The following BAG4 variants were observed in gnomAD, a reference collection of about 807,000 sequenced individuals.
BAG4 encodes BAG cochaperone 4, also known as BAG family molecular chaperone regulator 4.
A neutral mutation model predicts 52.1 loss-of-function variants in BAG4; 28 were observed. The observed-to-expected ratio is 0.54, with a 90% CI of 0.40 to 0.74. The LOEUF is 0.74. Ranked by LOEUF, BAG4 falls within the 30% of genes least tolerant of loss-of-function variation. The probability of loss-of-function intolerance (pLI) is 0.00; values close to 1 mark genes in which losing one functional copy is unlikely to be tolerated. For missense variants in BAG4, 525 were observed against 572.0 expected, an observed-to-expected ratio of 0.92 and a Z score of 0.84; for synonymous variants, 208 against 217.0, an observed-to-expected ratio of 0.96 and a Z score of 0.37.
chr8:38,186,158 C>G (rs1803363585), intron 1 of BAG4, among the ~76,000 whole-genome samples: 1 of 151,998 alleles, frequency 6.6e-6, no homozygotes, highest in South Asian at 2.1e-4. Context: ...GGTGGTGGTT[C>G]CTTTCTTTCA....
At chr8:38,191,780 A>C (rs1048955216) in intron 1 of BAG4, among the ~76,000 whole-genome samples, 4 of 151,884 alleles carry the variant, frequency 2.6e-5, no homozygotes, top group African/African-American at 7.2e-5. Context: ...AAAAAAAAAA[A>C]AACCCTAAAT....
chr8:38,192,932 A>G (rs1476018390), intron 2 of BAG4, 137 bp downstream of exon 2: 4 of 573,716 alleles, frequency 7.0e-6, no homozygotes, highest in Non-Finnish European at 1.2e-5. Flanking sequence ...ATCTCATCTT[A>G]ATGTTTTTAG....
intron 1 of BAG4, among the ~76,000 whole-genome samples, chr8:38,191,967 A>G (rs1325046209): frequency 6.6e-6 from 1 of 152,194 alleles, no homozygotes; most frequent in Non-Finnish European, 1.5e-5. Flanking sequence ...TTATTGTCGT[A>G]GCTAGATTTT....
Position 38,210,609 on chromosome 8 carries a change from T to G in BAG4, c.*116T>G. On this transcript the variant is annotated 3_prime_UTR_variant, in exon 5 of 5. Coordinates refer to ENST00000287322, the MANE Select transcript of BAG4 (RefSeq NM_004874.4). Reference sequence around the variant, plus strand: ...TGACAAGAAGCAATACATTCCAGCTTTCCTTTGATTTTATACTTGAAAAAC... The same window carrying G: ...TGACAAGAAGCAATACATTCCAGCTGTCCTTTGATTTTATACTTGAAAAAC... 1 of 1,309,808 alleles carries G rather than the reference T, an allele frequency of 7.6e-7. No homozygotes were observed. The highest frequency in any genetic ancestry group is 1.0e-6 in the Non-Finnish European group (1 of 979,126). The allele number at this position is 1,309,808 out of a possible 1,614,324, so 81.1% of individuals were successfully genotyped here. A position where few individuals can be genotyped will look rare whatever the true frequency, so the allele number is the denominator to read the frequency against.
At chr8:38,191,488 G>A (rs58320990) in intron 1 of BAG4, among the ~76,000 whole-genome samples, 31,788 of 152,066 alleles carry the variant, frequency 0.21, 3,621 homozygotes, top group East Asian at 0.31. Context: ...CGGGCACAGT[G>A]TGGCTCACGC....
At chr8:38,181,334 A>C (rs536741085) in intron 1 of BAG4, among the ~76,000 whole-genome samples, 1 of 141,500 alleles carries the variant, frequency 7.1e-6, no homozygotes, top group African/African-American at 2.6e-5. Flanking sequence ...TCCCAGGTTC[A>C]AGCGATTTAC....
At chr8:38,192,013 G>C (rs974841264) in intron 1 of BAG4, among the ~76,000 whole-genome samples, 13 of 152,172 alleles carry the variant, frequency 8.5e-5, no homozygotes, top group African/African-American at 2.7e-4. Context: ...ATCAATGCCT[G>C]ACACTGAGGC....
rs1191748194 is a variant in BAG4, at chr8:38,213,217, T to TA, written c.*2727dup. 6.6e-6 allele frequency: 1 copy of TA among 152,206 alleles called. No individual in the cohort carries two copies. The highest frequency in any genetic ancestry group is 1.9e-4 in the East Asian group (1 of 5,200). 9.4% of individuals were successfully genotyped at this position (152,206 alleles called of 1,614,324 possible). ...CTTGAAATTTCACATCTGGACTTTT[T>TA]AAAGTGTCTACATTTATATTACTTT... is the stretch of plus-strand genomic sequence containing the variant. On this transcript the variant is annotated 3_prime_UTR_variant, in exon 5 of 5. Coordinates refer to ENST00000287322, the MANE Select transcript of BAG4 (RefSeq NM_004874.4).
At chr8:38,182,032 G>C (rs1803283799) in intron 1 of BAG4, among the ~76,000 whole-genome samples, 1 of 152,072 alleles carries the variant, frequency 6.6e-6, no homozygotes, top group Non-Finnish European at 1.5e-5. Flanking sequence ...TTTCGTGGTG[G>C]AGTAGGAAGC....
chr8:38,201,869 TATATATATATA>T (rs1257167380), intron 2 of BAG4: 620 of 9,486 alleles, frequency 0.065, 15 homozygotes, highest in Non-Finnish European at 0.091. Flanking sequence ...TATATATATA[TATATATATATA>T]TTTTTTTTTT....
chr8:38,180,307 G>C (rs1803239738), intron 1 of BAG4, among the ~76,000 whole-genome samples: 1 of 151,944 alleles, frequency 6.6e-6, no homozygotes, highest in South Asian at 2.1e-4. Context: ...TGGATCACCT[G>C]AGGTCAGGAG....
At chr8:38,208,066 T>G (rs1803803457) in intron 3 of BAG4, among the ~76,000 whole-genome samples, 1 of 150,590 alleles carries the variant, frequency 6.6e-6, no homozygotes, top group East Asian at 2.0e-4. Flanking sequence ...AACCTCTACC[T>G]CCTGGGTTCA....
In BAG4 at chr8:38,212,777, T is replaced by G. The variant is rs931217796; in HGVS notation, c.*2284T>G. 1 of 152,208 alleles carries G rather than the reference T, an allele frequency of 6.6e-6. No individual in the cohort carries two copies. Among genetic ancestry groups the G allele is most frequent in the Non-Finnish European group, 1.5e-5 (1 of 68,034 alleles). 9.4% of individuals were successfully genotyped at this position (152,208 alleles called of 1,614,324 possible). ...GTGTTTTCCTTGTAATTATTGAATA[T>G]TTGCTGGAGATACCCGGAGACTATG... On this transcript the variant is annotated 3_prime_UTR_variant, in exon 5 of 5. Transcript: ENST00000287322.
rs1563286998 is a variant in BAG4 at position 38,211,733 on chromosome 8, C to T, written c.*1240C>T. 1 of 151,972 alleles carries T rather than the reference C, an allele frequency of 6.6e-6. No individual in the cohort carries two copies. Among genetic ancestry groups the T allele is most frequent in the Admixed American group, 6.6e-5 (1 of 15,252 alleles). The allele number at this position is 151,972 out of a possible 1,614,324, so 9.4% of individuals were successfully genotyped here. ...TAAAATTGTCTGTTTAATAAAAAGACATTTATTACCATTATTAACAGTCAT... is the reference window on the plus strand; with the variant it reads ...TAAAATTGTCTGTTTAATAAAAAGATATTTATTACCATTATTAACAGTCAT... On this transcript the variant is annotated 3_prime_UTR_variant, in exon 5 of 5. Coordinates refer to ENST00000287322, the MANE Select transcript of BAG4 (RefSeq NM_004874.4).
intron 2 of BAG4, among the ~76,000 whole-genome samples, chr8:38,206,947 A>AT (rs11352165): frequency 0.18 from 19,675 of 111,004 alleles, 2,183 homozygotes; most frequent in East Asian, 0.28. Context: ...GGCCTAGATA[A>AT]TTTTTTTTTT....
chr8:38,189,531 C>T (rs1803433246), intron 1 of BAG4, among the ~76,000 whole-genome samples: 1 of 152,166 alleles, frequency 6.6e-6, no homozygotes, highest in South Asian at 2.1e-4. Flanking sequence ...ATTTTAGTAG[C>T]TTATAATGAT....
intron 2 of BAG4, among the ~76,000 whole-genome samples, chr8:38,195,517 C>CT (rs1803549176): frequency 6.6e-6 from 1 of 152,152 alleles, no homozygotes; most frequent in African/African-American, 2.4e-5. Flanking sequence ...TTTCAAACCC[C>CT]TAGCCTCAAG....
rs140388982 is a variant in BAG4 at position 38,210,252 on chromosome 8, C to T, written c.1133C>T (p.Pro378Leu). 3.0e-5 allele frequency: 48 copies of T among 1,613,820 alleles called. No homozygotes were observed. Among genetic ancestry groups the T allele is most frequent in the Admixed American group, 6.7e-5 (4 of 59,970 alleles). Residue 378 changes from proline to leucine, a missense_variant, in exon 5 of 5, where the codon CCG (proline) becomes CTG (leucine). Pro to Leu is a moderately conservative substitution (Grantham distance 98). Coordinates refer to ENST00000287322, the MANE Select transcript of BAG4 (RefSeq NM_004874.4). ...ECVPSDESTP[P>L]SIKKIIHVLE... Reference sequence around the variant, plus strand: ...GTACCTTCAGATGAAAGTACTCCTCCGAGTATTAAAAAAATCATACATGTG... The same window carrying T: ...GTACCTTCAGATGAAAGTACTCCTCTGAGTATTAAAAAAATCATACATGTG...
chr8:38,201,494 G>A (rs948735210), intron 2 of BAG4, among the ~76,000 whole-genome samples: 3 of 151,698 alleles, frequency 2.0e-5, no homozygotes, highest in African/African-American at 7.3e-5. Flanking sequence ...GCAGAGATGG[G>A]GTCTCATTAT....
Sources: gnomAD v4.1 joint callset for allele counts (sites outside exome capture counted in the v4.1 genomes callset) on GRCh38, gnomAD v4.1.1 for gene constraint, MANE v1.5 for transcripts, NCBI Gene and HGNC (gene_info 2026-07-23, HGNC 2026-07-21) for gene names.